The following MYLK3 variants were observed in gnomAD, a reference collection of about 807,000 sequenced individuals.
MYLK3 encodes the protein MLC kinase.
A neutral mutation model predicts 76.3 loss-of-function variants in MYLK3; 55 were observed. The ratio of observed to expected loss-of-function variants is 0.72; its 90% CI spans 0.58 to 0.90. The LOEUF is 0.90. Ranked by LOEUF, MYLK3 falls within the 40% of genes least tolerant of loss-of-function variation. The pLI is 0.00. For synonymous variants in MYLK3, 416 were observed against 425.4 expected (o/e 0.98, Z 0.27); for missense variants, 973 against 1,053.6 (o/e 0.92, Z 1.06).
upstream of MYLK3, among the ~76,000 whole-genome samples, chr16:46,750,272 A>G (rs1043523583): frequency 6.6e-5 from 10 of 152,212 alleles, no homozygotes; most frequent in Non-Finnish European, 1.3e-4. Context: ...GCTGGTGCCC[A>G]TAATTTTTGT....
intron 3 of MYLK3, among the ~76,000 whole-genome samples, chr16:46,733,804 G>T (rs1428735424): frequency 6.6e-6 from 1 of 152,186 alleles, no homozygotes; most frequent in Non-Finnish European, 1.5e-5. Flanking sequence ...TCAGCAGGGA[G>T]GCAGGTGGCC....
At chr16:46,759,312 CT>C (rs1967245796) in intron 1 of MYLK3, among the ~76,000 whole-genome samples, 1 of 152,232 alleles carries the variant, frequency 6.6e-6, no homozygotes, top group East Asian at 1.9e-4. Flanking sequence ...AAAGCACCCC[CT>C]GAAGCTAAAT....
At chr16:46,733,521 C>A (rs1353067883) in intron 3 of MYLK3, among the ~76,000 whole-genome samples, 1 of 152,192 alleles carries the variant, frequency 6.6e-6, no homozygotes, top group Non-Finnish European at 1.5e-5. Context: ...AATGCCCCAG[C>A]TCACTTCACT....
rs1455743084 is a variant in MYLK3, at chr16:46,730,481, T to A, written c.1568+112A>T. On this transcript the variant is annotated intron_variant, in intron 5 of 12. Transcript: ENST00000394809. ...ATGTCCCACCCCAGCCTTGGCTCCATCAGCTCGAGAGAGAGTCATCCTGCA... is the reference window on the plus strand; with the variant it reads ...ATGTCCCACCCCAGCCTTGGCTCCAACAGCTCGAGAGAGAGTCATCCTGCA... The A allele has an allele frequency of 7.1e-6, 6 of 842,590 alleles. No homozygotes were observed. In the East Asian group the frequency reaches 1.5e-4, roughly 21 times the overall value. 52.2% of individuals were successfully genotyped at this position (842,590 alleles called of 1,614,324 possible). A position where few individuals can be genotyped will look rare whatever the true frequency, so the allele number is the denominator to read the frequency against.
At chr16:46,754,897 C>T (rs529817146) in intron 1 of MYLK3, among the ~76,000 whole-genome samples, 12 of 151,438 alleles carry the variant, frequency 7.9e-5, no homozygotes, top group Non-Finnish European at 1.8e-4. Flanking sequence ...GCAAACAATT[C>T]GTGCTTTTTT....
At chr16:46,755,691 A>C (rs1343614085) in intron 1 of MYLK3, among the ~76,000 whole-genome samples, 1 of 152,034 alleles carries the variant, frequency 6.6e-6, no homozygotes, top group East Asian at 1.9e-4. Flanking sequence ...TGTTCACTTA[A>C]CCTCTCTGAG....
intron 9 of MYLK3, among the ~76,000 whole-genome samples, chr16:46,720,568 CTGTG>C (rs1471602747): frequency 5.9e-5 from 9 of 152,162 alleles, no homozygotes; most frequent in Non-Finnish European, 2.9e-5. Context: ...TCCACACTGT[CTGTG>C]TATTTTCTCA....
intron 9 of MYLK3, among the ~76,000 whole-genome samples, chr16:46,720,208 CTTTA>C (rs1368845472): frequency 3.9e-5 from 6 of 152,180 alleles, no homozygotes; most frequent in African/African-American, 7.2e-5. Flanking sequence ...ACAATGTTTA[CTTTA>C]TTTATTATTT....
At chr16:46,756,277 G>A (rs1967199927) in intron 1 of MYLK3, among the ~76,000 whole-genome samples, 1 of 152,186 alleles carries the variant, frequency 6.6e-6, no homozygotes, top group Admixed American at 6.5e-5. Context: ...AATATTTACA[G>A]TCATAGTAAA....
In MYLK3 at chr16:46,702,788, C is replaced by T. The variant is rs1006335631; in HGVS notation, c.*4916G>A. On this transcript the variant is annotated 3_prime_UTR_variant, in exon 13 of 13. Coordinates refer to ENST00000394809, the MANE Select transcript of MYLK3 (RefSeq NM_182493.3). ...CACAAAAATTAGCTGGGCGTGGTGGCGCATGCCTGTAGTCCCAGCTACTTG... is the reference window on the plus strand; with the variant it reads ...CACAAAAATTAGCTGGGCGTGGTGGTGCATGCCTGTAGTCCCAGCTACTTG... 4.6e-5 allele frequency among the ~76,000 whole-genome samples: 7 copies of T among 151,986 alleles called. No homozygotes were observed. The highest frequency in any genetic ancestry group is 9.7e-5 in the African/African-American group (4 of 41,388).
In MYLK3 at chr16:46,748,155, C is replaced by A. The variant is rs569799603; in HGVS notation, c.39G>T (p.Gly13=). 1 of 1,613,870 alleles carries A rather than the reference C, an allele frequency of 6.2e-7. No individual in the cohort carries two copies. The highest frequency in any genetic ancestry group is 1.1e-5 in the South Asian group (1 of 91,040). ...GTSKESLGHG[G]LPGLGKTCLT... ...AGCAGGTCTTGCCCAACCCTGGCAG[C>A]CCCCCATGCCCCAGACTCTCCTTGG... Residue 13 remains glycine (G), a synonymous_variant, in exon 1 of 13, where the codon GGG becomes GGT. Coordinates refer to ENST00000394809, the MANE Select transcript of MYLK3 (RefSeq NM_182493.3). This position sits in a 1 kb window ranked among gnomAD's most constrained non-coding sequence, Gnocchi z 4.3.
chr16:46,703,298 ACAT>A lies in MYLK3; in HGVS notation c.*4403_*4405del, dbSNP rs1355287242. Reference sequence around the variant, plus strand: ...GCCATTAGCAACAGTGCTATAGTAAACATCATTTTGAATAAATCTCTATACAAT... The same window carrying A: ...GCCATTAGCAACAGTGCTATAGTAAACATTTTGAATAAATCTCTATACAAT... On this transcript the variant is annotated 3_prime_UTR_variant, in exon 13 of 13. Coordinates refer to ENST00000394809, the MANE Select transcript of MYLK3 (RefSeq NM_182493.3). 6.6e-6 allele frequency: 1 copy of A among 152,244 alleles called. No homozygotes were observed. Among genetic ancestry groups the A allele is most frequent in the African/African-American group, 2.4e-5 (1 of 41,456 alleles). The allele number at this position is 152,244 out of a possible 1,614,324, so 9.4% of individuals were successfully genotyped here.
At chr16:46,740,639 C>T (rs912939504) in intron 1 of MYLK3, among the ~76,000 whole-genome samples, 3 of 150,362 alleles carry the variant, frequency 2.0e-5, no homozygotes, top group Non-Finnish European at 4.4e-5. Flanking sequence ...GCAACCGCTG[C>T]CTCCCAGGTT....
chr16:46,746,353 C>G (rs1301281116), intron 1 of MYLK3, among the ~76,000 whole-genome samples: 2 of 152,116 alleles, frequency 1.3e-5, no homozygotes, highest in Non-Finnish European at 2.9e-5. Flanking sequence ...ACATTTTGAT[C>G]CGAGATTTGA....
Position 46,732,220 on chromosome 16 carries a change from T to C in MYLK3, c.1450A>G (p.Ser484Gly). The change falls in exon 4 of 13, where the codon AGC becomes GGC. Residue 484 changes from serine (S) to glycine (G), a missense_variant. Ser to Gly is a moderately conservative substitution (Grantham distance 56). Transcript: ENST00000394809. ...RRMPPGAEAG[S>G]VVLDDSPAPP... is the part of the protein sequence containing the mutation. ...CAGCCCCACTTACCCAGAACCACGC[T>C]GCCAGCCTCGGCGCCTGGGGGCATC... 2 of 1,586,032 alleles carry C rather than the reference T, an allele frequency of 1.3e-6. No homozygotes were observed. The highest frequency in any genetic ancestry group is 2.2e-5 in the East Asian group (1 of 44,542).
At chr16:46,752,510 C>T (rs1002006919), upstream of MYLK3, among the ~76,000 whole-genome samples, 2 of 152,116 alleles carry the variant, frequency 1.3e-5, no homozygotes, top group Non-Finnish European at 2.9e-5. Context: ...CAAACTTGCA[C>T]ATGTATCACT....
intron 8 of MYLK3, 22 bp from the exon 9 acceptor site, chr16:46,721,215 T>C: frequency 6.2e-7 from 1 of 1,613,150 alleles, no homozygotes; most frequent in South Asian, 1.1e-5. Context: ...AGAAGTCTGC[T>C]TAGCCCAAGC....
chr16:46,736,265 G>A (rs776734476), intron 3 of MYLK3, among the ~76,000 whole-genome samples: 11 of 152,178 alleles, frequency 7.2e-5, no homozygotes, highest in Admixed American at 1.3e-4. Context: ...CTCCCGCCTC[G>A]GCCTCTCACA....
chr16:46,741,980 G>T (rs1409225083), intron 1 of MYLK3, among the ~76,000 whole-genome samples: 2 of 152,014 alleles, frequency 1.3e-5, no homozygotes, highest in Admixed American at 1.3e-4. Context: ...TACTCACTTT[G>T]TTACCCAGGT....
Sources: gnomAD v4.1 joint callset for allele counts (sites outside exome capture counted in the v4.1 genomes callset) on GRCh38, gnomAD v4.1.1 for gene constraint, Gnocchi (gnomAD v3.1) non-coding constraint, MANE v1.5 for transcripts, NCBI Gene and HGNC (gene_info 2026-07-23, HGNC 2026-07-21) for gene names.